The following TMIGD1 variants were observed in gnomAD, a reference collection of about 807,000 sequenced individuals.
The protein encoded by TMIGD1 is transmembrane and immunoglobulin domain-containing protein 1.
In TMIGD1, 29 loss-of-function variants were observed where a neutral mutation model predicts 27.5. That is an observed-to-expected ratio of 1.05 (90% CI 0.78 to 1.44). The LOEUF is 1.44. TMIGD1 is among the 40% of genes most tolerant of loss of function. The pLI is 0.00. For synonymous variants in TMIGD1, 109 were observed against 110.3 expected, an observed-to-expected ratio of 0.99 and a Z score of 0.07; for missense variants, 334 against 310.6, an observed-to-expected ratio of 1.08 and a Z score of -0.57.
At chr17:30,327,542 G>T (rs6505175) in intron 3 of TMIGD1, among the ~76,000 whole-genome samples, 152,286 of 152,288 alleles carry the variant, frequency 1, 76,142 homozygotes, top group Non-Finnish European at 1. Context: ...TCCTTAGCTG[G>T]CTTTTTATTT....
intron 3 of TMIGD1, among the ~76,000 whole-genome samples, chr17:30,328,296 A>G (rs979296874): frequency 2.0e-5 from 3 of 152,140 alleles, no homozygotes; most frequent in African/African-American, 7.2e-5. Context: ...TCTGCCTCCC[A>G]AAGTGTTGGG....
At position 30,318,801 on chromosome 17, in the gene TMIGD1, C is replaced by T. The variant is rs375101785; in HGVS notation, c.744+9G>A. 2 of 1,591,622 alleles carry T rather than the reference C, an allele frequency of 1.3e-6. No individual in the cohort carries two copies. Among genetic ancestry groups the T allele is most frequent in the African/African-American group, 1.3e-5 (1 of 74,576 alleles). ...CTTTTTACTTAAATAGCTCAGAATA[C>T]TTAGATACCTTCATTATTTTCTTTC... On this transcript the variant is annotated intron_variant, in intron 5 of 6. Coordinates refer to ENST00000328886, the MANE Select transcript of TMIGD1 (RefSeq NM_206832.3).
intron 4 of TMIGD1, among the ~76,000 whole-genome samples, chr17:30,319,261 A>AATATATAT (rs1175035556): frequency 1.3e-3 from 90 of 68,894 alleles, no homozygotes; most frequent in Middle Eastern, 7.1e-3. Flanking sequence ...AAAAAAAAAA[A>AATATATAT]ATATATATAT....
At position 30,329,300 on chromosome 17, in the gene TMIGD1, C is replaced by G. The variant is rs925047500; in HGVS notation, c.312G>C (p.Arg104Ser). ...CGGACACGGACTGATCCCTCCCCAG[C>G]CTGCAGGTAAAGCTGATTCCGTTGT... ...ENDNGISFTCRLGRDQSVSVS... is the reference protein window; with the variant it reads ...ENDNGISFTCSLGRDQSVSVS... The change falls in exon 3 of 7, where the codon AGG (arginine) becomes AGC (serine). Residue 104 changes from arginine (R) to serine (S), a missense_variant. By Grantham distance (110) the Arg-to-Ser change is moderately radical (BLOSUM62 -1). Coordinates refer to ENST00000328886, the MANE Select transcript of TMIGD1 (RefSeq NM_206832.3). The G allele has an allele frequency of 6.2e-7, 1 of 1,614,098 alleles. No homozygotes were observed. The highest frequency in any genetic ancestry group is 8.5e-7 in the Non-Finnish European group (1 of 1,180,014).
At chr17:30,322,891 C>T (rs1485378918) in intron 4 of TMIGD1, among the ~76,000 whole-genome samples, 2 of 152,272 alleles carry the variant, frequency 1.3e-5, no homozygotes, top group East Asian at 1.9e-4. Flanking sequence ...TGACTTTGGT[C>T]GGGGCATGGT....
chr17:30,330,186 A>G (rs1597686441), intron 2 of TMIGD1, among the ~76,000 whole-genome samples: 1 of 90,230 alleles, frequency 1.1e-5, no homozygotes, highest in Non-Finnish European at 2.2e-5. Context: ...CCACCCCCCG[A>G]CCCCCGGTGA....
rs1188786026 is a variant in TMIGD1, at chr17:30,324,825, T to C, written c.631A>G (p.Ile211Val). 6.2e-7 allele frequency: 1 copy of C among 1,613,784 alleles called. No individual in the cohort carries two copies. Among genetic ancestry groups the C allele is most frequent in the South Asian group, 1.1e-5 (1 of 91,080 alleles). The change falls in exon 4 of 7, where the codon ATT (isoleucine) becomes GTT (valine). Residue 211 changes from isoleucine (I) to valine (V), a missense_variant. Physicochemically the swap from Ile to Val is conservative, Grantham distance 29 (BLOSUM62 3). Transcript: ENST00000328886. ...LKTESLDFHL[I>V]VKDKTVGVPI... is the part of the protein sequence containing the mutation. ...TTAAAAAGAGCATTACCTTTAACAA[T>C]CAGGTGAAAGTCCAAGCTCTCCGTT...
At chr17:30,323,167 C>A (rs1909674050) in intron 4 of TMIGD1, among the ~76,000 whole-genome samples, 1 of 151,976 alleles carries the variant, frequency 6.6e-6, no homozygotes, top group Non-Finnish European at 1.5e-5. Context: ...GAGACCCTGT[C>A]TCCAAAAAAA....
At chr17:30,317,275 C>T (rs1329359769) in intron 5 of TMIGD1, 42 bp from the exon 6 acceptor site, 1 of 1,611,262 alleles carries the variant, frequency 6.2e-7, no homozygotes, top group Non-Finnish European at 8.5e-7. Flanking sequence ...CTTTTTAAGG[C>T]CCATGGAGAA....
At chr17:30,325,970 A>G (rs551797365) in intron 3 of TMIGD1, among the ~76,000 whole-genome samples, 12 of 152,332 alleles carry the variant, frequency 7.9e-5, no homozygotes, top group African/African-American at 2.9e-4. Context: ...CAGAATAGTA[A>G]TGAAATGGTT....
At chr17:30,319,157 A>G (rs1006983871) in intron 4 of TMIGD1, among the ~76,000 whole-genome samples, 1 of 150,328 alleles carries the variant, frequency 6.7e-6, no homozygotes, top group African/African-American at 2.5e-5. Flanking sequence ...GAATCCCAGC[A>G]CTTTGGAAGG....
intron 3 of TMIGD1, among the ~76,000 whole-genome samples, chr17:30,325,508 C>A (rs555499477): frequency 6.6e-6 from 1 of 152,242 alleles, no homozygotes; most frequent in East Asian, 1.9e-4. Flanking sequence ...TCCATCTACA[C>A]CGTTTACTGT....
intron 1 of TMIGD1, among the ~76,000 whole-genome samples, chr17:30,333,794 G>A (rs372483949): frequency 2.0e-5 from 3 of 151,848 alleles, no homozygotes; most frequent in Non-Finnish European, 2.9e-5. Flanking sequence ...TTTCTCAAGC[G>A]CTCTGCACTA....
At chr17:30,316,896 A>C (rs1273647586) in intron 6 of TMIGD1, 1 of 638,774 alleles carries the variant, frequency 1.6e-6, no homozygotes, top group Non-Finnish European at 2.8e-6. Flanking sequence ...AGCAGTATGG[A>C]CCAGTGACTT....
chr17:30,318,644 A>C (rs1479947409), intron 5 of TMIGD1, among the ~76,000 whole-genome samples, 166 bp downstream of exon 5: 1 of 152,220 alleles, frequency 6.6e-6, no homozygotes, highest in African/African-American at 2.4e-5. Context: ...CATAATGTAC[A>C]TATAATTTTT....
chr17:30,321,388 C>T (rs1022956838), intron 4 of TMIGD1, among the ~76,000 whole-genome samples: 1 of 152,208 alleles, frequency 6.6e-6, no homozygotes, highest in Non-Finnish European at 1.5e-5. Flanking sequence ...GATTCTGATG[C>T]CATCCAACGA....
At position 30,324,682 on chromosome 17, in the gene TMIGD1, A is replaced by G. The variant is rs138903388; in HGVS notation, c.640+134T>C. On this transcript the variant is annotated intron_variant, in intron 4 of 6. Transcript: ENST00000328886. Reference sequence around the variant, plus strand: ...GGATTCTTAGTGGAAAAATCCTTGGATGGGGATGATTCTCCAAAGAAAATC... The same window carrying G: ...GGATTCTTAGTGGAAAAATCCTTGGGTGGGGATGATTCTCCAAAGAAAATC... The G allele has an allele frequency of 8.0e-3, 8,566 of 1,073,972 alleles. 71 individuals carry two copies. Among genetic ancestry groups the G allele is most frequent in the Non-Finnish European group, 8.2e-3 (6,247 of 762,946 alleles). The allele number at this position is 1,073,972 out of a possible 1,614,324, so 66.5% of individuals were successfully genotyped here.
At chr17:30,321,397 G>A (rs1292918609) in intron 4 of TMIGD1, among the ~76,000 whole-genome samples, 2 of 152,200 alleles carry the variant, frequency 1.3e-5, no homozygotes, top group Non-Finnish European at 2.9e-5. Flanking sequence ...GCCATCCAAC[G>A]ACGGGAAGGA....
Position 30,318,886 on chromosome 17 carries a change from G to C in TMIGD1, c.668C>G (p.Pro223Arg). The C allele has an allele frequency of 6.2e-7, 1 of 1,613,502 alleles. No individual in the cohort carries two copies. The highest frequency in any genetic ancestry group is 8.5e-7 in the Non-Finnish European group (1 of 1,179,640). The change falls in exon 5 of 7, where the codon CCC becomes CGC. Residue 223 changes from proline to arginine, a missense_variant. Physicochemically the swap from Pro to Arg is moderately radical, Grantham distance 103 (BLOSUM62 -2). Coordinates refer to ENST00000328886, the MANE Select transcript of TMIGD1 (RefSeq NM_206832.3). ...KDKTVGVPIE[P>R]IIAACVVIFL... ...GATCACAACACATGCAGCAATAATGGGCTCTATTGGTACACCCACAGTTTT... is the reference window on the plus strand; with the variant it reads ...GATCACAACACATGCAGCAATAATGCGCTCTATTGGTACACCCACAGTTTT...
Sources: gnomAD v4.1 joint callset for allele counts (sites outside exome capture counted in the v4.1 genomes callset) on GRCh38, gnomAD v4.1.1 for gene constraint, MANE v1.5 for transcripts, NCBI Gene and HGNC (gene_info 2026-07-23, HGNC 2026-07-21) for gene names.